Variants in ITGB3BP observed in about 807,000 individuals in gnomAD.
The protein encoded by ITGB3BP is centromere protein R.
In ITGB3BP, 27 loss-of-function variants were observed where a neutral mutation model predicts 29.1. The observed-to-expected ratio is 0.93, with a 90% CI of 0.68 to 1.28. ITGB3BP has a LOEUF of 1.28. Among genes scored for constraint, ITGB3BP ranks in the 50% most tolerant of loss-of-function variants. The pLI, the probability that ITGB3BP is intolerant of heterozygous loss-of-function variation, is 0.00. For missense variants in ITGB3BP, 192 were observed against 200.2 expected (o/e 0.96, Z 0.25); for synonymous variants, 61 against 61.4 (o/e 0.99, Z 0.03).
At chr1:63,446,549 T>C in intron 8 of ITGB3BP, 1 of 447,318 alleles carries the variant, frequency 2.2e-6, no homozygotes, top group East Asian at 3.7e-5. Context: ...CAGTTAAAAA[T>C]GTGTCCTCTC....
chr1:63,510,398 TAC>T (rs955693640), intron 1 of ITGB3BP, among the ~76,000 whole-genome samples: 1 of 152,130 alleles, frequency 6.6e-6, no homozygotes, highest in African/African-American at 2.4e-5. Flanking sequence ...TTAAAAAGTT[TAC>T]AGATTAGGCC....
At chr1:63,469,183 T>C (rs1645152349) in intron 4 of ITGB3BP, among the ~76,000 whole-genome samples, 1 of 152,132 alleles carries the variant, frequency 6.6e-6, no homozygotes, top group African/African-American at 2.4e-5. Context: ...GAGGATTAAA[T>C]GTGATAATAT....
At chr1:63,485,917 T>TA (rs1472422508) in intron 3 of ITGB3BP, among the ~76,000 whole-genome samples, 3 of 152,060 alleles carry the variant, frequency 2.0e-5, no homozygotes, top group Non-Finnish European at 4.4e-5. Flanking sequence ...TGTTTTACTT[T>TA]ACCCTGCCCA....
chr1:63,450,679 A>T (rs1262079535), intron 7 of ITGB3BP, among the ~76,000 whole-genome samples: 1 of 151,994 alleles, frequency 6.6e-6, no homozygotes, highest in Non-Finnish European at 1.5e-5. Context: ...CAGAAAAAGA[A>T]CCTTTCATTT....
chr1:63,452,044 T>A (rs1227593641), intron 7 of ITGB3BP: 1 of 152,128 alleles, frequency 6.6e-6, no homozygotes, highest in African/African-American at 2.4e-5. Flanking sequence ...AATCTGGTAA[T>A]GGGCAAGTCA....
At chr1:63,461,611 T>C (rs1421481113) in intron 4 of ITGB3BP, among the ~76,000 whole-genome samples, 1 of 152,224 alleles carries the variant, frequency 6.6e-6, no homozygotes, top group Non-Finnish European at 1.5e-5. Context: ...CCCTTATATT[T>C]AGGTCACTGA....
Position 63,454,809 on chromosome 1 carries a change from C to A in ITGB3BP, c.333+81G>T. 1.6e-6 allele frequency: 1 copy of A among 628,854 alleles called. No individual in the cohort carries two copies. The highest frequency in any genetic ancestry group is 2.7e-6 in the Non-Finnish European group (1 of 369,818). The allele number at this position is 628,854 out of a possible 1,614,324, so 39.0% of individuals were successfully genotyped here. ...TAAACATACTCTATGCAAACTCTTT[C>A]CTGGATTGGATTCTCCAATCTGGGA... On this transcript the variant is annotated intron_variant, in intron 5 of 8. Transcript: ENST00000271002. This position sits in a 1 kb window ranked among gnomAD's most constrained non-coding sequence, Gnocchi z 4.1.
rs550417615 is a variant in ITGB3BP at position 63,482,131 on chromosome 1, C to T, written c.185-3298G>A. 2.0e-4 allele frequency among the ~76,000 whole-genome samples: 31 copies of T among 151,578 alleles called. 2 individuals are homozygous for T. In the South Asian group the frequency reaches 2.5e-3, roughly 12 times the overall value. On this transcript the variant is annotated intron_variant, in intron 3 of 8. Coordinates refer to ENST00000271002, the MANE Select transcript of ITGB3BP (RefSeq NM_014288.5). ...CTACTAAAATACAAAAAATTACCCG[C>T]GCCTGGTGGTGTGTGCCTATAATCT... is the stretch of plus-strand genomic sequence containing the variant.
chr1:63,449,488 C>CTTACG (rs1301853759), intron 7 of ITGB3BP: 3 of 151,996 alleles, frequency 2.0e-5, no homozygotes, highest in Non-Finnish European at 4.4e-5. Flanking sequence ...TTTATTTTTA[C>CTTACG]TTAAATCCTA....
chr1:63,455,013 A>T (rs746488959), intron 4 of ITGB3BP, 45 bp from the exon 5 acceptor site: 3 of 924,644 alleles, frequency 3.2e-6, no homozygotes. Flanking sequence ...GGAAGCATTT[A>T]AACATGGCAA....
chr1:63,494,952 A>G (rs1645751824), intron 2 of ITGB3BP, among the ~76,000 whole-genome samples: 1 of 152,126 alleles, frequency 6.6e-6, no homozygotes, highest in East Asian at 1.9e-4. Flanking sequence ...ATAGGCACGC[A>G]CTACCATGCC....
chr1:63,517,483 T>A (rs1646359717), intron 1 of ITGB3BP, among the ~76,000 whole-genome samples: 1 of 152,028 alleles, frequency 6.6e-6, no homozygotes, highest in South Asian at 2.1e-4. Context: ...ATTTTCACTG[T>A]AGAGGTCTTG....
At chr1:63,494,162 CAG>C (rs1007633672) in intron 2 of ITGB3BP, among the ~76,000 whole-genome samples, 4 of 151,698 alleles carry the variant, frequency 2.6e-5, no homozygotes, top group East Asian at 1.9e-4. Context: ...TTTTTTGACA[CAG>C]AGTCTTGCTG....
intron 4 of ITGB3BP, among the ~76,000 whole-genome samples, chr1:63,471,063 T>C (rs1464770052): frequency 2.0e-5 from 3 of 152,232 alleles, no homozygotes; most frequent in African/African-American, 7.2e-5. Context: ...CATGAAAATC[T>C]GCTCTTGTGA....
intron 4 of ITGB3BP, among the ~76,000 whole-genome samples, chr1:63,470,881 T>C (rs1236129481): frequency 6.6e-6 from 1 of 152,226 alleles, no homozygotes; most frequent in Non-Finnish European, 1.5e-5. Flanking sequence ...AGCAGTTTAT[T>C]TGAGTTCCAG....
chr1:63,514,687 C>A (rs1029451086), intron 1 of ITGB3BP, among the ~76,000 whole-genome samples: 8 of 152,076 alleles, frequency 5.3e-5, no homozygotes, highest in African/African-American at 1.4e-4. Context: ...GTGGCTCACA[C>A]CTCTAATCCC....
chr1:63,514,336 G>A (rs531511079), intron 1 of ITGB3BP, among the ~76,000 whole-genome samples: 1 of 151,948 alleles, frequency 6.6e-6, no homozygotes, highest in African/African-American at 2.4e-5. Flanking sequence ...AAGTTTTTTT[G>A]TTTTGTTTTG....
At chr1:63,467,349 G>GT (rs1049734501) in intron 4 of ITGB3BP, among the ~76,000 whole-genome samples, 327 of 148,150 alleles carry the variant, frequency 2.2e-3, no homozygotes, top group Non-Finnish European at 3.2e-3. Flanking sequence ...ATTTTCTAGG[G>GT]TTTTTTTTTT....
At chr1:63,521,575 T>C (rs1049049980) in intron 1 of ITGB3BP, among the ~76,000 whole-genome samples, 4 of 152,130 alleles carry the variant, frequency 2.6e-5, no homozygotes, top group African/African-American at 9.7e-5. Flanking sequence ...CTAACTCCTA[T>C]AGTCCCAGCA....
Sources: allele counts gnomAD v4.1 joint callset (sites outside exome capture counted in the v4.1 genomes callset), GRCh38; gene constraint gnomAD v4.1.1; non-coding constraint Gnocchi (gnomAD v3.1); transcripts MANE v1.5; gene names NCBI Gene and HGNC (gene_info 2026-07-23, HGNC 2026-07-21).